The following PCDH11X variants were observed in gnomAD, a reference collection of about 807,000 sequenced individuals.
PCDH11X encodes the protein protocadherin-11 X-linked.
PCDH11X carries 18 observed loss-of-function variants against 53.3 expected under a neutral mutation model. The ratio of observed to expected loss-of-function variants is 0.34; its 90% confidence interval spans 0.23 to 0.50. PCDH11X has a LOEUF of 0.50. Ranked by LOEUF, PCDH11X falls within the 20% of genes least tolerant of loss-of-function variation. The pLI, the probability that PCDH11X is intolerant of heterozygous loss-of-function variation, is 0.98. For synonymous variants in PCDH11X, 279 were observed against 393.3 expected (o/e 0.71, Z 3.44); for missense variants, 570 against 1,032.4 (o/e 0.55, Z 6.14).
chrX:92,476,382 TTA>T (rs1231598400), intron 10 of PCDH11X, among the ~76,000 whole-genome samples: 1 of 109,370 alleles, frequency 9.1e-6, no homozygotes, highest in Non-Finnish European at 1.9e-5. Context: ...ACCAGAATTT[TTA>T]CTTGATTCAT....
Position 92,150,635 on chromosome X carries a change from A to G in PCDH11X, c.3034-50740A>G, listed in dbSNP as rs759271631. 1.8e-4 allele frequency among the ~76,000 whole-genome samples: 20 copies of G among 111,402 alleles called. No individual in the cohort carries two copies. The East Asian group carries it at 5.4e-3, about 30-fold the overall frequency. On this transcript the variant is annotated intron_variant, in intron 6 of 10. Transcript: ENST00000682573. ...TTGGATTTTCAGTTTCTATAAAAAC[A>G]CCATCTTCCTGATAGTGAGCCTTCC...
intron 6 of PCDH11X, among the ~76,000 whole-genome samples, chrX:92,185,680 A>T (rs1208176622): frequency 8.9e-6 from 1 of 111,742 alleles, no homozygotes; most frequent in Non-Finnish European, 1.9e-5. Flanking sequence ...AAATAATCCA[A>T]TTAAAAATGG....
chrX:91,929,986 A>C (rs914623791), intron 6 of PCDH11X, among the ~76,000 whole-genome samples: 20 of 110,993 alleles, frequency 1.8e-4, no homozygotes, highest in South Asian at 7.5e-4. Context: ...GACAGAAAGC[A>C]AATCGAAATC....
At chrX:92,380,373 C>T (rs1001526844) in intron 8 of PCDH11X, among the ~76,000 whole-genome samples, 2 of 111,833 alleles carry the variant, frequency 1.8e-5, no homozygotes, top group Non-Finnish European at 3.8e-5. Context: ...GACCTGAGTG[C>T]AGCCTGCCAA....
At chrX:92,212,065 G>T (rs1332454195) in intron 7 of PCDH11X, among the ~76,000 whole-genome samples, 2 of 96,711 alleles carry the variant, frequency 2.1e-5, no homozygotes, top group Non-Finnish European at 4.0e-5. Context: ...AAGCTGGAGT[G>T]CAGTGGTGCA....
chrX:91,910,390 G>C (rs1298233171), intron 6 of PCDH11X, among the ~76,000 whole-genome samples: 1 of 109,818 alleles, frequency 9.1e-6, no homozygotes, highest in Non-Finnish European at 1.9e-5. Flanking sequence ...ATTCACATAT[G>C]CGGTGAAATG....
intron 6 of PCDH11X, among the ~76,000 whole-genome samples, chrX:91,954,899 C>A (rs142000354): frequency 0.061 from 6,423 of 105,171 alleles, 385 homozygotes; most frequent in African/African-American, 0.13. Flanking sequence ...ATTTTCTCCC[C>A]TTCTGTAGGT....
intron 6 of PCDH11X, among the ~76,000 whole-genome samples, chrX:91,940,993 T>A (rs750738227): frequency 1.3e-3 from 144 of 110,959 alleles, no homozygotes; most frequent in Middle Eastern, 9.3e-3. Flanking sequence ...AATTTGATTG[T>A]AAAAAATATT....
chrX:91,992,195 T>G (rs2147944903), intron 6 of PCDH11X, among the ~76,000 whole-genome samples: 1 of 102,571 alleles, frequency 9.7e-6, no homozygotes, highest in South Asian at 4.9e-4. Context: ...TTAGGTTTCT[T>G]AAACTTCCAG....
chrX:92,053,574 C>CT (rs146294962), intron 6 of PCDH11X, among the ~76,000 whole-genome samples: 2,314 of 92,563 alleles, frequency 0.025, 88 homozygotes, highest in African/African-American at 0.085. Flanking sequence ...TGAACTGAGT[C>CT]TTTTTTTTTT....
In PCDH11X at chrX:92,148,014, TC is replaced by T. The variant is rs1377417666; in HGVS notation, c.3034-53359del. 1.4e-3 allele frequency among the ~76,000 whole-genome samples: 124 copies of T among 86,713 alleles called. 7 individuals are homozygous for T. Among genetic ancestry groups the T allele is most frequent in the African/African-American group, 5.6e-3 (115 of 20,653 alleles). The allele number at this position is 86,713 out of a possible 115,157, so 75.3% of individuals were successfully genotyped here. A position where few individuals can be genotyped will look rare whatever the true frequency, so the allele number is the denominator to read the frequency against. ...CTTTCTTTCTTTCTTTCTTTTTCTT[TC>T]CTTCCTTCCTTCCTTTCCTTCTTTC... On this transcript the variant is annotated intron_variant, in intron 6 of 10. Coordinates refer to ENST00000682573, the MANE Select transcript of PCDH11X (RefSeq NM_032968.5).
At chrX:92,341,901 A>T (rs2069770466) in intron 8 of PCDH11X, among the ~76,000 whole-genome samples, 1 of 112,287 alleles carries the variant, frequency 8.9e-6, no homozygotes, top group Admixed American at 9.4e-5. Context: ...ATAAACAGAC[A>T]ACCTATAGAA....
chrX:92,576,190 T>C (rs1487594871), intron 10 of PCDH11X, among the ~76,000 whole-genome samples: 1 of 74,661 alleles, frequency 1.3e-5, no homozygotes, highest in Non-Finnish European at 2.3e-5. Context: ...TCTTGTCTTA[T>C]ATAACTGTTC....
intron 10 of PCDH11X, among the ~76,000 whole-genome samples, chrX:92,610,471 T>C (rs34386401): frequency 0.23 from 25,699 of 110,046 alleles, 2,388 homozygotes; most frequent in African/African-American, 0.3. Flanking sequence ...TGTTTGTTTA[T>C]GTTCTCTACA....
intron 9 of PCDH11X, among the ~76,000 whole-genome samples, chrX:92,456,757 G>T (rs1197929733): frequency 9.0e-6 from 1 of 111,260 alleles, no homozygotes; most frequent in African/African-American, 3.3e-5. Flanking sequence ...GAAATAGCTT[G>T]CTTGTATTTT....
intron 6 of PCDH11X, among the ~76,000 whole-genome samples, chrX:91,970,181 G>A (rs189988734): frequency 9.7e-4 from 107 of 110,850 alleles, no homozygotes; most frequent in African/African-American, 3.3e-3. Context: ...AAGGCAGTGC[G>A]GACCCAAAAA....
At chrX:92,532,659 A>T (rs1602270554) in intron 10 of PCDH11X, among the ~76,000 whole-genome samples, 1 of 20,515 alleles carries the variant, frequency 4.9e-5, no homozygotes, top group Non-Finnish European at 1.1e-4. Flanking sequence ...TCCTTCATTT[A>T]AAAAAAAAAA....
intron 6 of PCDH11X, among the ~76,000 whole-genome samples, chrX:92,037,823 G>C (rs771458517): frequency 3.7e-5 from 4 of 108,385 alleles, no homozygotes; most frequent in East Asian, 2.9e-4. Flanking sequence ...GTGTATGTTT[G>C]TTGGCCACAT....
At chrX:92,161,562 C>T (rs1198531111) in intron 6 of PCDH11X, among the ~76,000 whole-genome samples, 4 of 109,922 alleles carry the variant, frequency 3.6e-5, no homozygotes, top group Non-Finnish European at 5.7e-5. Context: ...ATGTCTAGGT[C>T]TCTAGCAAGG....
Sources: gnomAD v4.1 joint callset for allele counts (sites outside exome capture counted in the v4.1 genomes callset) on GRCh38, gnomAD v4.1.1 for gene constraint, MANE v1.5 for transcripts, NCBI Gene and HGNC (gene_info 2026-07-23, HGNC 2026-07-21) for gene names.